Variants in SLC16A2 observed in about 807,000 individuals in gnomAD.
The protein encoded by SLC16A2 is monocarboxylate transporter 8.
SLC16A2 carries 3 observed loss-of-function variants against 27.2 expected under a neutral mutation model. The ratio of observed to expected loss-of-function variants is 0.11; its 90% CI spans 0.05 to 0.28. The LOEUF (loss-of-function observed/expected upper bound fraction) is 0.28, where lower values mean the gene tolerates loss of function less well. SLC16A2 is among the 10% of genes least tolerant of loss of function. The probability of loss-of-function intolerance (pLI) is 1.00; values close to 1 mark genes in which losing one functional copy is unlikely to be tolerated. For missense variants in SLC16A2, 295 were observed against 458.5 expected (o/e 0.64, Z 3.26); for synonymous variants, 202 against 187.8 (o/e 1.08, Z -0.62).
chrX:74,514,608 C>T (rs1344063744), intron 1 of SLC16A2, among the ~76,000 whole-genome samples: 1 of 111,482 alleles, frequency 9.0e-6, no homozygotes. Context: ...CACTCTTGCC[C>T]GGGTATAACC....
At chrX:74,505,309 G>A (rs761656826) in intron 1 of SLC16A2, among the ~76,000 whole-genome samples, 50 of 111,895 alleles carry the variant, frequency 4.5e-4, no homozygotes, top group African/African-American at 1.6e-3. Context: ...CTGTCCTGAA[G>A]GGGCTTTTGA....
rs1930046122 is a variant in SLC16A2 at position 74,501,990 on chromosome X, A to G, written c.431-19000A>G. Among the ~76,000 whole-genome samples, 12 of 111,472 alleles carry G rather than the reference A, an allele frequency of 1.1e-4. No individual in the cohort carries two copies. In the South Asian group the frequency reaches 4.3e-3, roughly 39 times the overall value. Reference sequence around the variant, plus strand: ...AATAAAAAAGAATATATTAATTTGAACATAAAAAAAACCTTGTAGTCCTTC... The same window carrying G: ...AATAAAAAAGAATATATTAATTTGAGCATAAAAAAAACCTTGTAGTCCTTC... On this transcript the variant is annotated intron_variant, in intron 1 of 5. Coordinates refer to ENST00000587091, the MANE Select transcript of SLC16A2 (RefSeq NM_006517.5).
chrX:74,471,326 T>C (rs958461414), intron 1 of SLC16A2, among the ~76,000 whole-genome samples: 5 of 111,989 alleles, frequency 4.5e-5, no homozygotes, highest in Non-Finnish European at 9.4e-5. Context: ...TGAAAGACAG[T>C]TATTATAATC....
At chrX:74,490,599 T>G (rs953069850) in intron 1 of SLC16A2, among the ~76,000 whole-genome samples, 4 of 110,971 alleles carry the variant, frequency 3.6e-5, no homozygotes, top group Non-Finnish European at 7.5e-5. Context: ...CTAATTTTTT[T>G]GGGGGTTCCC....
intron 1 of SLC16A2, among the ~76,000 whole-genome samples, chrX:74,492,019 G>C (rs1929836515): frequency 8.9e-6 from 1 of 112,323 alleles, no homozygotes; most frequent in Non-Finnish European, 1.9e-5. Flanking sequence ...CAGGACAGTG[G>C]GAGAAGCCTG....
At chrX:74,485,520 A>C (rs930533751) in intron 1 of SLC16A2, among the ~76,000 whole-genome samples, 3 of 110,423 alleles carry the variant, frequency 2.7e-5, no homozygotes, top group African/African-American at 9.9e-5. Context: ...AGCTCCCAAG[A>C]TGGTGGAAGG....
chrX:74,503,234 A>G (rs1400327619), intron 1 of SLC16A2, among the ~76,000 whole-genome samples: 1 of 110,477 alleles, frequency 9.1e-6, no homozygotes, highest in Admixed American at 9.7e-5. Context: ...CTCTTCAGCC[A>G]CCTCACACAG....
Position 74,421,821 on chromosome X carries a change from G to C in SLC16A2, c.184G>C (p.Ala62Pro). 5 of 1,181,839 alleles carry C rather than the reference G, an allele frequency of 4.2e-6. No homozygotes were observed. In the South Asian group the frequency reaches 9.2e-5, roughly 22 times the overall value. Residue 62 changes from alanine (A) to proline (P), a missense_variant, in exon 1 of 6, where the codon GCA becomes CCA. Coordinates refer to ENST00000587091, the MANE Select transcript of SLC16A2 (RefSeq NM_006517.5). The part of the protein sequence containing the change: ...QPEPQPLPDP[A>P]PLPELEFESE... ...GGAGCCCCAGCCCCTACCGGACCCC[G>C]CACCCCTGCCGGAGCTGGAGTTCGA... is the stretch of plus-strand genomic sequence containing the variant.
At chrX:74,448,869 A>G (rs1212948665) in intron 1 of SLC16A2, among the ~76,000 whole-genome samples, 1 of 111,109 alleles carries the variant, frequency 9.0e-6, no homozygotes, top group Non-Finnish European at 1.9e-5. Context: ...AGCGATAATG[A>G]CATGCTTTGA....
intron 4 of SLC16A2, among the ~76,000 whole-genome samples, chrX:74,527,149 G>T (rs983348943): frequency 2.7e-5 from 3 of 112,277 alleles, no homozygotes; most frequent in Non-Finnish European, 5.6e-5. Flanking sequence ...GCATTAGCCA[G>T]TTAGAGGCCA....
intron 1 of SLC16A2, among the ~76,000 whole-genome samples, chrX:74,457,183 A>AT (rs921976331): frequency 1.3e-4 from 14 of 111,187 alleles, no homozygotes; most frequent in Non-Finnish European, 2.3e-4. Flanking sequence ...GAATGGAGTG[A>AT]TTTTTTTTAT....
intron 1 of SLC16A2, among the ~76,000 whole-genome samples, chrX:74,438,583 C>T (rs923835840): frequency 8.9e-5 from 10 of 112,477 alleles, no homozygotes; most frequent in African/African-American, 2.3e-4. Context: ...CTCTCACACA[C>T]GTACACCCAC....
intron 1 of SLC16A2, among the ~76,000 whole-genome samples, chrX:74,480,304 G>T (rs1350461213): frequency 8.9e-6 from 1 of 112,703 alleles, no homozygotes; most frequent in Non-Finnish European, 1.9e-5. Flanking sequence ...ATAATCTCCT[G>T]GTGTGCTGTT....
intron 1 of SLC16A2, among the ~76,000 whole-genome samples, chrX:74,450,588 G>T (rs959257921): frequency 2.7e-5 from 3 of 111,749 alleles, no homozygotes; most frequent in African/African-American, 9.8e-5. Context: ...GATAGTATTG[G>T]GATCATGCTG....
intron 1 of SLC16A2, among the ~76,000 whole-genome samples, chrX:74,427,534 A>C (rs1928421800): frequency 1.8e-5 from 2 of 112,013 alleles, no homozygotes; most frequent in Non-Finnish European, 3.8e-5. Flanking sequence ...GACTGTCAAC[A>C]TTTGTAGAAG....
intron 1 of SLC16A2, among the ~76,000 whole-genome samples, chrX:74,466,651 G>A (rs1929257104): frequency 9.0e-6 from 1 of 111,512 alleles, no homozygotes; most frequent in South Asian, 3.8e-4. Context: ...TCTGCTGTTG[G>A]TTGAACCCAC....
Position 74,532,938 on chromosome X carries a change from TG to T in SLC16A2, c.*1386del, listed in dbSNP as rs1413921430. ...CAGTCTTACTGAAGAACATTCCCAG[TG>T]CCCCTGGCTAGGGGCAGAGGGCACT... On this transcript the variant is annotated 3_prime_UTR_variant, in exon 6 of 6. Coordinates refer to ENST00000587091, the MANE Select transcript of SLC16A2 (RefSeq NM_006517.5). 1 of 112,266 alleles carries T rather than the reference TG, an allele frequency of 8.9e-6. No individual in the cohort carries two copies. Among genetic ancestry groups the T allele is most frequent in the African/African-American group, 3.2e-5 (1 of 30,820 alleles). The allele number at this position is 112,266 out of a possible 1,213,427, so 9.3% of individuals were successfully genotyped here. A position where few individuals can be genotyped will look rare whatever the true frequency, so the allele number is the denominator to read the frequency against.
At position 74,499,626 on chromosome X, in the gene SLC16A2, G is replaced by C. The variant is rs976757521; in HGVS notation, c.431-21364G>C. On this transcript the variant is annotated intron_variant, in intron 1 of 5. Coordinates refer to ENST00000587091, the MANE Select transcript of SLC16A2 (RefSeq NM_006517.5). ...GCGCCACCACATCTGGCTCATTTTT[G>C]TACTTTTAGTAGAGATGGGGTTTTG... Among the ~76,000 whole-genome samples the C allele has an allele frequency of 2.7e-5, 3 of 109,734 alleles. No individual in the cohort carries two copies. The Admixed American group carries it at 2.9e-4, about 11-fold the overall frequency.
At chrX:74,504,851 G>A (rs749549463) in intron 1 of SLC16A2, among the ~76,000 whole-genome samples, 1 of 111,604 alleles carries the variant, frequency 9.0e-6, no homozygotes, top group East Asian at 2.8e-4. Flanking sequence ...AATTAGCGGA[G>A]TGTAATGGCG....
Sources: allele counts gnomAD v4.1 joint callset (sites outside exome capture counted in the v4.1 genomes callset), GRCh38; gene constraint gnomAD v4.1.1; transcripts MANE v1.5; gene names NCBI Gene and HGNC (gene_info 2026-07-23, HGNC 2026-07-21).